IMPG1: variants seen among roughly 807,000 people sequenced by gnomAD.
IMPG1 encodes the protein interphotoreceptor matrix proteoglycan of 150 kDa.
Under a neutral mutation model 92.0 loss-of-function variants are expected in IMPG1, and 85 were observed. The ratio of observed to expected loss-of-function variants is 0.92; its 90% CI spans 0.78 to 1.11. The LOEUF (loss-of-function observed/expected upper bound fraction) is 1.11, where lower values mean the gene tolerates loss of function less well. Ranked by LOEUF, IMPG1 falls within the 50% of genes least tolerant of loss-of-function variation. IMPG1 has a pLI of 0.00. For synonymous variants in IMPG1, 367 were observed against 334.1 expected (o/e 1.10, Z -1.08); for missense variants, 1,022 against 956.0 (o/e 1.07, Z -0.91).
chr6:75,989,834 C>T (rs911654534), intron 12 of IMPG1, among the ~76,000 whole-genome samples: 1 of 152,138 alleles, frequency 6.6e-6, no homozygotes, highest in Admixed American at 6.5e-5. Flanking sequence ...CATAGCGAGA[C>T]TTGGTCTCAA....
intron 13 of IMPG1, among the ~76,000 whole-genome samples, chr6:75,950,143 T>C (rs1197649931): frequency 6.6e-6 from 1 of 152,164 alleles, no homozygotes; most frequent in African/African-American, 2.4e-5. Flanking sequence ...AAGGAACCCT[T>C]ACTCCTGAAC....
Position 75,994,693 on chromosome 6 carries a change from C to T in IMPG1, c.1291+8225G>A, listed in dbSNP as rs796715466. The stretch of plus-strand genomic sequence containing the variant: ...AGAACAGCACGGGAAAGACCCACCC[C>T]CATGATTCAATTACCTCTGGGTGGG... On this transcript the variant is annotated intron_variant, in intron 12 of 16. Coordinates refer to ENST00000369950, the MANE Select transcript of IMPG1 (RefSeq NM_001563.4). Among the ~76,000 whole-genome samples the T allele has an allele frequency of 3.9e-4, 59 of 152,266 alleles. 1 individual carries two copies. Among genetic ancestry groups the T allele is most frequent in the African/African-American group, 1.3e-3 (52 of 41,558 alleles).
At chr6:76,010,244 G>C (rs1454275999) in intron 8 of IMPG1, among the ~76,000 whole-genome samples, 1 of 152,186 alleles carries the variant, frequency 6.6e-6, no homozygotes, top group African/African-American at 2.4e-5. Flanking sequence ...GGCAGTGAAG[G>C]AGCCAGAAAC....
At chr6:76,006,609 C>A in intron 9 of IMPG1, among the ~76,000 whole-genome samples, 1 of 150,618 alleles carries the variant, frequency 6.6e-6, no homozygotes, top group Non-Finnish European at 1.5e-5. Context: ...AAGGCTATTT[C>A]TTTTCTACTT....
chr6:76,018,638 G>A (rs763676053), intron 7 of IMPG1, 80 bp downstream of exon 7: 27 of 1,282,796 alleles, frequency 2.1e-5, no homozygotes, highest in East Asian at 7.7e-5. Flanking sequence ...GGAACTGTTC[G>A]CCGTAAGGGT....
intron 1 of IMPG1, among the ~76,000 whole-genome samples, chr6:76,070,483 A>T (rs1447078499): frequency 6.6e-6 from 1 of 152,178 alleles, no homozygotes; most frequent in Admixed American, 6.6e-5. Flanking sequence ...CCAAAGGAAA[A>T]TAAATCATTA....
chr6:76,054,943 TAGAC>T (rs1005162676), intron 1 of IMPG1, among the ~76,000 whole-genome samples: 2 of 152,094 alleles, frequency 1.3e-5, no homozygotes, highest in Admixed American at 6.6e-5. Context: ...CAAAGGTTGA[TAGAC>T]AATACAGAAA....
At chr6:75,976,075 CT>C (rs1425453808) in intron 12 of IMPG1, among the ~76,000 whole-genome samples, 1 of 151,940 alleles carries the variant, frequency 6.6e-6, no homozygotes, top group Non-Finnish European at 1.5e-5. Flanking sequence ...TTGGTCTGTT[CT>C]TTGGATTATT....
intron 12 of IMPG1, among the ~76,000 whole-genome samples, chr6:75,986,599 T>C (rs988817281): frequency 3.3e-5 from 5 of 152,178 alleles, no homozygotes; most frequent in African/African-American, 1.2e-4. Flanking sequence ...GCTGGTAATA[T>C]AACTTGTCCT....
chr6:75,925,253 AAT>A, intron 15 of IMPG1, among the ~76,000 whole-genome samples: 1 of 150,770 alleles, frequency 6.6e-6, no homozygotes, highest in African/African-American at 2.4e-5. Context: ...GTGTCAGTTA[AAT>A]TTTTTTAAAT....
chr6:76,018,843 A>G lies in IMPG1; in HGVS notation c.682T>C (p.Phe228Leu). Residue 228 changes from phenylalanine (F) to leucine (L), a missense_variant, in exon 7 of 17, where the codon TTC becomes CTC. Physicochemically the swap from Phe to Leu is conservative, Grantham distance 22. This residue lies in a region of IMPG1 where 681 missense variants were observed against 583.6 expected (regional missense o/e 1.17). Transcript: ENST00000369950. ...KMPTTERETE[F>L]AVLEEQRVEL... ...ACCCTCTGCTCCTCCAACACAGCGA[A>G]TTCTGTTTCTCTTTCCTGAGTTTAA... is the stretch of plus-strand genomic sequence containing the variant. 6.3e-7 allele frequency: 1 copy of G among 1,593,682 alleles called. No individual in the cohort carries two copies. The highest frequency in any genetic ancestry group is 1.1e-5 in the South Asian group (1 of 86,980).
At position 76,072,650 on chromosome 6, in the gene IMPG1, T is replaced by C; in HGVS notation, c.-162A>G. The C allele has an allele frequency of 5.8e-6, 3 of 514,500 alleles. No homozygotes were observed. The highest frequency in any genetic ancestry group is 3.3e-5 in the East Asian group (1 of 30,064). The allele number at this position is 514,500 out of a possible 1,614,324, so 31.9% of individuals were successfully genotyped here. Reference sequence around the variant, plus strand: ...TGAGGGTGTTAATTTATGAAGAACATGTAGCAGTGTCTGTTTCTGGAATAA... The same window carrying C: ...TGAGGGTGTTAATTTATGAAGAACACGTAGCAGTGTCTGTTTCTGGAATAA... On this transcript the variant is annotated 5_prime_UTR_variant, in exon 1 of 17. An upstream start codon of the reference 5' UTR is lost. Transcript: ENST00000369950.
At chr6:76,035,759 C>T (rs1783733166) in intron 2 of IMPG1, among the ~76,000 whole-genome samples, 1 of 152,152 alleles carries the variant, frequency 6.6e-6, no homozygotes, top group Non-Finnish European at 1.5e-5. Flanking sequence ...ACAATCCTTT[C>T]CCCATTCATC....
At chr6:76,040,500 G>A (rs964867598) in intron 2 of IMPG1, among the ~76,000 whole-genome samples, 10 of 152,178 alleles carry the variant, frequency 6.6e-5, no homozygotes, top group Non-Finnish European at 1.5e-5. Context: ...TCATGTCACT[G>A]TCTTTTCTCT....
At chr6:75,948,506 A>G (rs187586853) in intron 13 of IMPG1, among the ~76,000 whole-genome samples, 56 of 152,246 alleles carry the variant, frequency 3.7e-4, no homozygotes, top group Non-Finnish European at 6.0e-4. Context: ...ACCCAGTCCC[A>G]CATTCTGTTA....
rs1783042164 is a variant in IMPG1, at chr6:76,003,804, T to C, written c.1212+70A>G. ...ATTTTGCTCTGTTCATTTCTTAAGC[T>C]GATTTGTTCTTTGGTGGAAGGTTTT... On this transcript the variant is annotated intron_variant, in intron 11 of 16. Transcript: ENST00000369950. 3.5e-6 allele frequency: 4 copies of C among 1,134,528 alleles called. No homozygotes were observed. In the African/African-American group the frequency reaches 6.3e-5, roughly 18 times the overall value. 70.3% of individuals were successfully genotyped at this position (1,134,528 alleles called of 1,614,324 possible).
At chr6:75,940,881 C>G (rs754139090) in intron 14 of IMPG1, among the ~76,000 whole-genome samples, 1 of 152,284 alleles carries the variant, frequency 6.6e-6, no homozygotes, top group East Asian at 1.9e-4. Flanking sequence ...TCCCTCACCC[C>G]CTTTCTCTTC....
chr6:76,010,382 T>C (rs552706577), intron 8 of IMPG1, among the ~76,000 whole-genome samples: 196 of 152,352 alleles, frequency 1.3e-3, no homozygotes, highest in African/African-American at 4.5e-3. Flanking sequence ...TGAGTTCATC[T>C]GTAGACGTTT....
At position 76,034,261 on chromosome 6, in the gene IMPG1, T is replaced by G. The variant is rs545671731; in HGVS notation, c.497+54A>C. 4.0e-5 allele frequency: 61 copies of G among 1,540,416 alleles called. No homozygotes were observed. In the East Asian group the frequency reaches 1.3e-3, roughly 32 times the overall value. On this transcript the variant is annotated intron_variant, in intron 4 of 16. Coordinates refer to ENST00000369950, the MANE Select transcript of IMPG1 (RefSeq NM_001563.4). Reference sequence around the variant, plus strand: ...AATAGCTTAGTTTCACTCCATTATATGATCTTTTTAAATTCAAAAGCACAC... The same window carrying G: ...AATAGCTTAGTTTCACTCCATTATAGGATCTTTTTAAATTCAAAAGCACAC...
Sources: gnomAD v4.1 joint callset for allele counts (sites outside exome capture counted in the v4.1 genomes callset) on GRCh38, gnomAD v4.1.1 for gene constraint, gnomAD v4.1.1 regional missense constraint, MANE v1.5 for transcripts, NCBI Gene and HGNC (gene_info 2026-07-23, HGNC 2026-07-21) for gene names.